Variants in LMCD1 observed in about 807,000 individuals in gnomAD.
LMCD1 encodes LIM and cysteine-rich domains protein 1.
LMCD1 carries 32 observed loss-of-function variants against 42.7 expected under a neutral mutation model. That is an observed-to-expected ratio of 0.75 (90% CI 0.57 to 1.01). The LOEUF (loss-of-function observed/expected upper bound fraction) is 1.01. Ranked by LOEUF, LMCD1 falls within the 50% of genes least tolerant of loss-of-function variation. LMCD1 has a pLI of 0.00. For missense variants in LMCD1, 458 were observed against 483.1 expected, an observed-to-expected ratio of 0.95 and a Z score of 0.49; for synonymous variants, 178 against 184.9, an observed-to-expected ratio of 0.96 and a Z score of 0.30.
At chr3:8,502,810 G>T (rs1574941339) in intron 1 of LMCD1, among the ~76,000 whole-genome samples, 1 of 152,124 alleles carries the variant, frequency 6.6e-6, no homozygotes. Context: ...GAATGCAGCT[G>T]GGAGAAGGCA....
chr3:8,566,439 T>C (rs1370106683), intron 5 of LMCD1, among the ~76,000 whole-genome samples: 1 of 152,196 alleles, frequency 6.6e-6, no homozygotes, highest in African/African-American at 2.4e-5. Flanking sequence ...TACGAATTGG[T>C]CACCATATGA....
chr3:8,502,658 T>A (rs1220553187), intron 1 of LMCD1, among the ~76,000 whole-genome samples: 1 of 150,416 alleles, frequency 6.6e-6, no homozygotes, highest in African/African-American at 2.4e-5. Context: ...AGTTCCAGCA[T>A]AAGGGAACTG....
In LMCD1 at chr3:8,570,148, T is replaced by C. The variant is rs912770023; in HGVS notation, c.*2550T>C. 1.3e-5 allele frequency: 2 copies of C among 152,292 alleles called. No homozygotes were observed. Among genetic ancestry groups the C allele is most frequent in the Admixed American group, 6.5e-5 (1 of 15,268 alleles). The allele number at this position is 152,292 out of a possible 1,614,324, so 9.4% of individuals were successfully genotyped here. On this transcript the variant is annotated 3_prime_UTR_variant, in exon 6 of 6. Coordinates refer to ENST00000157600, the MANE Select transcript of LMCD1 (RefSeq NM_014583.4). ...GAGATACAGTGGTGAACATGGCCCA[T>C]GGATGGAACTGAAAGAAAACTGGTG...
chr3:8,502,854 A>G (rs1436229054), intron 1 of LMCD1, among the ~76,000 whole-genome samples: 4 of 152,156 alleles, frequency 2.6e-5, no homozygotes, highest in Admixed American at 2.0e-4. Context: ...GTGAACGGGA[A>G]GGGAACAGAG....
In LMCD1 at chr3:8,559,394, A is replaced by G. The variant is rs149372183; in HGVS notation, c.724-6038A>G. Among the ~76,000 whole-genome samples, 334 of 127,058 alleles carry G rather than the reference A, an allele frequency of 2.6e-3. 2 individuals carry two copies. The highest frequency in any genetic ancestry group is 0.011 in the African/African-American group (325 of 29,590). 83.4% of individuals were successfully genotyped at this position (127,058 alleles called of 152,430 possible). ...CATTATTGAGCCCTTATAAAGTCCAAAAATTCCATTATGTCATTTAACTCA... is the reference window on the plus strand; with the variant it reads ...CATTATTGAGCCCTTATAAAGTCCAGAAATTCCATTATGTCATTTAACTCA... On this transcript the variant is annotated intron_variant, in intron 4 of 5. Coordinates refer to ENST00000157600, the MANE Select transcript of LMCD1 (RefSeq NM_014583.4).
intron 4 of LMCD1, 131 bp downstream of exon 4, chr3:8,549,034 T>C: frequency 3.0e-6 from 2 of 657,188 alleles, no homozygotes; most frequent in Non-Finnish European, 4.9e-6. Context: ...CAGCAGATAT[T>C]GATTGCTCAT....
At chr3:8,540,863 G>A (rs1436991332) in intron 3 of LMCD1, among the ~76,000 whole-genome samples, 1 of 152,184 alleles carries the variant, frequency 6.6e-6, no homozygotes, top group African/African-American at 2.4e-5. Context: ...CAATGCAGGG[G>A]TGGCACTTAC....
At chr3:8,547,604 C>T (rs1694760465) in intron 3 of LMCD1, among the ~76,000 whole-genome samples, 1 of 152,178 alleles carries the variant, frequency 6.6e-6, no homozygotes, top group African/African-American at 2.4e-5. Flanking sequence ...AAAGAATGCA[C>T]TTACACAGCC....
In LMCD1 at chr3:8,556,090, C is replaced by T. The variant is rs527473979; in HGVS notation, c.723+7187C>T. On this transcript the variant is annotated intron_variant, in intron 4 of 5. Coordinates refer to ENST00000157600, the MANE Select transcript of LMCD1 (RefSeq NM_014583.4). ...TTTGCTAATATGAGCTAAATGATGA[C>T]GATGATGATGATGCTGTCATCTCCC... 6.6e-5 allele frequency among the ~76,000 whole-genome samples: 10 copies of T among 152,278 alleles called. No individual in the cohort carries two copies. The East Asian group carries it at 1.2e-3, about 18-fold the overall frequency.
intron 1 of LMCD1, among the ~76,000 whole-genome samples, chr3:8,520,593 G>C (rs1418902047): frequency 2.0e-5 from 3 of 152,192 alleles, no homozygotes; most frequent in Non-Finnish European, 4.4e-5. Context: ...TTCCCAGGGA[G>C]TTTGGATAAC....
intron 5 of LMCD1, among the ~76,000 whole-genome samples, chr3:8,565,926 C>T (rs2125041529): frequency 6.6e-6 from 1 of 152,300 alleles, no homozygotes; most frequent in Admixed American, 6.5e-5. Context: ...GCAGGATGAA[C>T]CAGGAGGCAT....
At chr3:8,516,430 G>A (rs752936408) in intron 1 of LMCD1, among the ~76,000 whole-genome samples, 9 of 150,292 alleles carry the variant, frequency 6.0e-5, no homozygotes, top group Non-Finnish European at 1.3e-4. Flanking sequence ...CCATCTGCCT[G>A]GATTTTAAGA....
chr3:8,520,528 T>G (rs1046280397), intron 1 of LMCD1, among the ~76,000 whole-genome samples: 1 of 152,220 alleles, frequency 6.6e-6, no homozygotes, highest in African/African-American at 2.4e-5. Context: ...CACAGGGACC[T>G]TATTTTCTTC....
intron 1 of LMCD1, among the ~76,000 whole-genome samples, chr3:8,508,817 C>T (rs1693935810): frequency 6.6e-6 from 1 of 152,164 alleles, no homozygotes; most frequent in South Asian, 2.1e-4. Flanking sequence ...ACTTCCACCC[C>T]CAGAGTATCC....
chr3:8,550,665 T>C (rs17049242), intron 4 of LMCD1: 141,269 of 984,418 alleles, frequency 0.14, 10,762 homozygotes, highest in African/African-American at 0.25. Context: ...GAAGAATACA[T>C]GTCCTAAGGA....
At chr3:8,547,844 C>A (rs1375349960) in intron 3 of LMCD1, among the ~76,000 whole-genome samples, 1 of 152,024 alleles carries the variant, frequency 6.6e-6, no homozygotes, top group Non-Finnish European at 1.5e-5. Context: ...CGAGATCACA[C>A]CACCGCACTC....
intron 3 of LMCD1, among the ~76,000 whole-genome samples, chr3:8,540,153 T>C (rs899616605): frequency 6.6e-6 from 1 of 152,116 alleles, no homozygotes; most frequent in Non-Finnish European, 1.5e-5. Context: ...ACACCGCATG[T>C]TCTCACTCAT....
chr3:8,534,114 A>G (rs1694465350), intron 2 of LMCD1, among the ~76,000 whole-genome samples: 2 of 151,882 alleles, frequency 1.3e-5, no homozygotes, highest in Non-Finnish European at 2.9e-5. Context: ...CCTGAATCTC[A>G]GGACAGCGTT....
intron 1 of LMCD1, among the ~76,000 whole-genome samples, chr3:8,516,297 C>T (rs983006085): frequency 3.9e-5 from 6 of 152,194 alleles, no homozygotes; most frequent in Non-Finnish European, 5.9e-5. Flanking sequence ...AGACAAGAGC[C>T]GGAGGGACAA....
Sources: gnomAD v4.1 joint callset for allele counts (sites outside exome capture counted in the v4.1 genomes callset) on GRCh38, gnomAD v4.1.1 for gene constraint, MANE v1.5 for transcripts, NCBI Gene and HGNC (gene_info 2026-07-23, HGNC 2026-07-21) for gene names.